MERTK: variants seen among roughly 807,000 people sequenced by gnomAD.
The protein encoded by MERTK is tyrosine-protein kinase Mer.
Under a neutral mutation model 99.3 loss-of-function variants are expected in MERTK, and 69 were observed. The ratio of observed to expected loss-of-function variants is 0.70; its 90% CI spans 0.57 to 0.85. The LOEUF is 0.85. Among genes scored for constraint, MERTK ranks in the 40% least tolerant of loss-of-function variants. MERTK has a pLI of 0.00. For missense variants in MERTK, 1,125 were observed against 1,249.4 expected, an observed-to-expected ratio of 0.90 and a Z score of 1.50; for synonymous variants, 426 against 467.6, an observed-to-expected ratio of 0.91 and a Z score of 1.15.
intron 8 of MERTK, among the ~76,000 whole-genome samples, chr2:111,987,989 CTTTTT>C (rs3077010): frequency 7.5e-6 from 1 of 133,242 alleles, no homozygotes; most frequent in Admixed American, 7.5e-5. Flanking sequence ...ATAGAACTAA[CTTTTT>C]TTTTTTTTTT....
intron 4 of MERTK, among the ~76,000 whole-genome samples, chr2:111,950,395 G>A (rs974298915): frequency 6.6e-6 from 1 of 152,186 alleles, no homozygotes; most frequent in African/African-American, 2.4e-5. Context: ...GAGGACATAT[G>A]TTTTTATTTT....
intron 1 of MERTK, among the ~76,000 whole-genome samples, chr2:111,900,111 C>T (rs1684016193): frequency 6.6e-6 from 1 of 151,402 alleles, no homozygotes; most frequent in Admixed American, 6.6e-5. Flanking sequence ...CTTGACTAGC[C>T]TTCACCTATT....
intron 7 of MERTK, among the ~76,000 whole-genome samples, chr2:111,976,663 A>G (rs1019379525): frequency 2.0e-5 from 3 of 152,000 alleles, no homozygotes; most frequent in African/African-American, 7.2e-5. Flanking sequence ...TCAAATGGAT[A>G]GGTTTAATTG....
chr2:111,994,482 G>T, intron 9 of MERTK, 78 bp downstream of exon 9: 1 of 1,560,280 alleles, frequency 6.4e-7, no homozygotes, highest in Non-Finnish European at 8.8e-7. Context: ...GTAACCTGGG[G>T]GATGGATGGC....
chr2:111,994,283 C>T lies in MERTK; in HGVS notation c.1329C>T (p.Gly443=). ...TCTTGGAGGAAGTTGGCCAGAATGG[C>T]AGCCGAGCTCGGATCTCTGTTCAAG... ...KELLEEVGQN[G]SRARISVQVH... Residue 443 remains glycine, a synonymous_variant, in exon 9 of 19, where the codon GGC becomes GGT. Coordinates refer to ENST00000295408, the MANE Select transcript of MERTK (RefSeq NM_006343.3). 24 of 1,614,154 alleles carry T rather than the reference C, an allele frequency of 1.5e-5. No individual in the cohort carries two copies. The highest frequency in any genetic ancestry group is 2.0e-5 in the Non-Finnish European group (24 of 1,180,040).
intron 6 of MERTK, 41 bp from the exon 7 acceptor site, chr2:111,975,248 A>G: frequency 1.2e-6 from 2 of 1,606,500 alleles, no homozygotes; most frequent in South Asian, 1.1e-5. Context: ...CATTCCCACC[A>G]CCTTACTAAT....
chr2:111,944,303 C>CAAAAAA (rs776451722), intron 2 of MERTK, among the ~76,000 whole-genome samples: 1 of 68,090 alleles, frequency 1.5e-5, no homozygotes, highest in Admixed American at 1.6e-4. Flanking sequence ...GAATCTGTCT[C>CAAAAAA]AAAAAAAAAA....
intron 1 of MERTK, among the ~76,000 whole-genome samples, chr2:111,928,820 CCTT>C (rs756167209): frequency 1.9e-4 from 29 of 152,262 alleles, no homozygotes; most frequent in Non-Finnish European, 3.7e-4. Context: ...TGTGTCATCA[CCTT>C]CTTCTTATAC....
rs201290378 is a variant in MERTK, at chr2:112,019,375, A to G, written c.2080-38A>G. On this transcript the variant is annotated intron_variant, in intron 15 of 18. Transcript: ENST00000295408. ...AAACTGCTTGCAAGTTTTCCTTTTT[A>G]AAAGATAGTCTTTCTTCTTGTTTCC... The G allele has an allele frequency of 8.1e-5, 123 of 1,523,996 alleles. No individual in the cohort carries two copies. The African/African-American group carries it at 1.5e-3, about 19-fold the overall frequency. 94.4% of individuals were successfully genotyped at this position (1,523,996 alleles called of 1,614,324 possible). A position where few individuals can be genotyped will look rare whatever the true frequency, so the allele number is the denominator to read the frequency against.
chr2:111,964,130 C>T (rs1295105143), intron 4 of MERTK, among the ~76,000 whole-genome samples: 1 of 144,110 alleles, frequency 6.9e-6, no homozygotes, highest in Non-Finnish European at 1.5e-5. Flanking sequence ...TATGCTCCAC[C>T]TCTTTGAGGG....
intron 2 of MERTK, 102 bp from the exon 3 acceptor site, chr2:111,944,858 A>C: frequency 1.0e-6 from 1 of 974,220 alleles, no homozygotes; most frequent in East Asian, 2.6e-5. Context: ...ATATAAAATT[A>C]ACTATCACAG....
intron 1 of MERTK, among the ~76,000 whole-genome samples, chr2:111,908,597 A>G (rs1369836495): frequency 2.0e-5 from 3 of 152,192 alleles, no homozygotes; most frequent in African/African-American, 7.2e-5. Flanking sequence ...GTTTTGCACC[A>G]TGTCAGTTAC....
chr2:111,947,269 T>TA, intron 3 of MERTK, 125 bp from the exon 4 acceptor site: 4 of 635,404 alleles, frequency 6.3e-6, no homozygotes, highest in Non-Finnish European at 1.1e-5. Context: ...CAAGACTCCA[T>TA]CCCCACCCGC....
intron 2 of MERTK, chr2:111,930,482 C>A (rs4848227): frequency 0.52 from 78,724 of 150,898 alleles, 20,707 homozygotes; most frequent in Middle Eastern, 0.57. Context: ...AAAAAACCCC[C>A]AAAAAAAAGC....
chr2:111,924,042 C>A (rs981894441), intron 1 of MERTK, among the ~76,000 whole-genome samples: 1 of 152,044 alleles, frequency 6.6e-6, no homozygotes, highest in African/African-American at 2.4e-5. Flanking sequence ...ATTTATACAG[C>A]CAACAACGAT....
At chr2:112,019,908 C>T (rs1573646580) in intron 16 of MERTK, among the ~76,000 whole-genome samples, 1 of 152,346 alleles carries the variant, frequency 6.6e-6, no homozygotes, top group Non-Finnish European at 1.5e-5. Flanking sequence ...TTTCACAACA[C>T]TTCCTTAGGA....
intron 13 of MERTK, among the ~76,000 whole-genome samples, chr2:112,008,181 A>G (rs1400226859): frequency 6.6e-6 from 1 of 151,984 alleles, no homozygotes; most frequent in Non-Finnish European, 1.5e-5. Context: ...CTTGGCCCCA[A>G]AAGTCCCCTG....
At chr2:111,912,795 G>T (rs1181764228) in intron 1 of MERTK, among the ~76,000 whole-genome samples, 1 of 152,084 alleles carries the variant, frequency 6.6e-6, no homozygotes, top group Non-Finnish European at 1.5e-5. Context: ...TCACACACTG[G>T]AGCCTTCCCT....
At chr2:111,965,318 C>T in intron 5 of MERTK, 41 bp downstream of exon 5, 1 of 1,594,026 alleles carries the variant, frequency 6.3e-7, no homozygotes, top group Non-Finnish European at 8.6e-7. Flanking sequence ...GTTCTGGGAG[C>T]TGGTGAGGGT....
Sources: gnomAD v4.1 joint callset for allele counts (sites outside exome capture counted in the v4.1 genomes callset) on GRCh38, gnomAD v4.1.1 for gene constraint, MANE v1.5 for transcripts, NCBI Gene and HGNC (gene_info 2026-07-23, HGNC 2026-07-21) for gene names.